C2CD3: variants seen among roughly 807,000 people sequenced by gnomAD.
C2CD3 encodes the protein C2 domain containing 3 centriole elongation regulator, also known as C2 domain-containing protein 3.
C2CD3 carries 148 observed loss-of-function variants against 234.0 expected under a neutral mutation model. That is an observed-to-expected ratio of 0.63 (90% CI 0.55 to 0.72). The LOEUF is 0.72. Among genes scored for constraint, C2CD3 ranks in the 30% least tolerant of loss-of-function variants. The pLI, the probability that C2CD3 is intolerant of heterozygous loss-of-function variation, is 0.00. For synonymous variants in C2CD3, 1,000 were observed against 1,035.4 expected (o/e 0.97, Z 0.66); for missense variants, 2,577 against 2,811.5 (o/e 0.92, Z 1.89).
intron 20 of C2CD3, among the ~76,000 whole-genome samples, chr11:74,088,728 C>T: frequency 6.6e-6 from 1 of 152,210 alleles, no homozygotes; most frequent in East Asian, 1.9e-4. Context: ...GGATCTGAGA[C>T]TGAGGAGGTA....
At chr11:74,027,118 T>C (rs1191001295) in intron 32 of C2CD3, among the ~76,000 whole-genome samples, 1 of 152,132 alleles carries the variant, frequency 6.6e-6, no homozygotes, top group East Asian at 1.9e-4. Flanking sequence ...AGTTTCCTCA[T>C]TTATTTTTTA....
At position 74,115,420 on chromosome 11, in the gene C2CD3, T is replaced by C. The variant is rs529338094; in HGVS notation, c.1521-827A>G. Among the ~76,000 whole-genome samples, 92 of 152,270 alleles carry C rather than the reference T, an allele frequency of 6.0e-4. 1 individual carries two copies. Among genetic ancestry groups the C allele is most frequent in the African/African-American group, 2.1e-3 (89 of 41,568 alleles). On this transcript the variant is annotated intron_variant, in intron 9 of 32. Coordinates refer to ENST00000334126, the MANE Select transcript of C2CD3 (RefSeq NM_001286577.2). ...TTTTGTGTATTCCTTCTCATTTGCT[T>C]TCCTTATGCATATTTTCTACACAGT...
At chr11:74,036,040 A>G (rs1327084588) in intron 30 of C2CD3, 2 of 170,004 alleles carry the variant, frequency 1.2e-5, no homozygotes, top group Admixed American at 1.2e-4. Context: ...TTGTGTTTTT[A>G]GTAGAGATGG....
chr11:74,090,408 T>C (rs1021706093), intron 20 of C2CD3, among the ~76,000 whole-genome samples: 1 of 152,092 alleles, frequency 6.6e-6, no homozygotes, highest in Non-Finnish European at 1.5e-5. Context: ...TAAGTGTTCA[T>C]AGGTTCACTG....
chr11:74,089,431 TGAAA>T (rs1161821635), intron 20 of C2CD3, among the ~76,000 whole-genome samples: 4 of 152,210 alleles, frequency 2.6e-5, no homozygotes, highest in African/African-American at 9.6e-5. Flanking sequence ...GGGCAGTAAC[TGAAA>T]GAGTCTACGT....
intron 29 of C2CD3, among the ~76,000 whole-genome samples, chr11:74,039,797 T>A (rs1294644095): frequency 1.3e-5 from 2 of 152,190 alleles, no homozygotes; most frequent in Non-Finnish European, 2.9e-5. Flanking sequence ...CTGACCAGAA[T>A]GTCAATAGTG....
intron 13 of C2CD3, among the ~76,000 whole-genome samples, chr11:74,105,019 T>G (rs1034411424): frequency 7.2e-5 from 11 of 152,222 alleles, no homozygotes; most frequent in South Asian, 6.2e-4. Context: ...TAAAGCAAAG[T>G]GGTATTTACT....
intron 23 of C2CD3, 32 bp downstream of exon 23, chr11:74,078,083 A>G (rs1955155416): frequency 1.3e-6 from 2 of 1,592,266 alleles, no homozygotes; most frequent in Middle Eastern, 1.8e-4. Flanking sequence ...AGGTGCTCAA[A>G]CTACAAGAGT....
chr11:74,132,183 G>A (rs978163625), intron 7 of C2CD3, among the ~76,000 whole-genome samples: 5 of 151,984 alleles, frequency 3.3e-5, no homozygotes, highest in East Asian at 1.9e-4. Flanking sequence ...AAACCCCGTC[G>A]CTACTAAAAA....
chr11:74,114,566 T>G lies in C2CD3; in HGVS notation c.1548A>C (p.Ser516=), dbSNP rs187501796. 3 of 1,614,002 alleles carry G rather than the reference T, an allele frequency of 1.9e-6. No individual in the cohort carries two copies. The highest frequency in any genetic ancestry group is 4.5e-5 in the East Asian group (2 of 44,870). Reference sequence around the variant, plus strand: ...TCGTTTGGGCATCTTCTGGAGTTTCTGAGAGCATCTGTTGTTCAACCAAAT... The same window carrying G: ...TCGTTTGGGCATCTTCTGGAGTTTCGGAGAGCATCTGTTGTTCAACCAAAT... ...NRNLVEQQML[S]ETPEDAQTMT... is the part of the protein sequence containing the mutation. The change falls in exon 10 of 33, where the codon TCA becomes TCC. Residue 516 remains serine (S), a synonymous_variant. Coordinates refer to ENST00000334126, the MANE Select transcript of C2CD3 (RefSeq NM_001286577.2).
chr11:74,116,819 CAT>C (rs150737547), intron 9 of C2CD3, among the ~76,000 whole-genome samples: 27,057 of 140,494 alleles, frequency 0.19, 2,798 homozygotes, highest in East Asian at 0.31. Context: ...TATACACACA[CAT>C]ATATACGTGT....
At chr11:74,124,579 C>G (rs1244489042) in intron 7 of C2CD3, among the ~76,000 whole-genome samples, 1 of 152,018 alleles carries the variant, frequency 6.6e-6, no homozygotes, top group African/African-American at 2.4e-5. Flanking sequence ...GGAAAAATCA[C>G]CCCCTCCTTG....
At chr11:74,113,679 CAAAAAAAAAAA>C in intron 11 of C2CD3, 90 bp downstream of exon 11, 1 of 479,884 alleles carries the variant, frequency 2.1e-6, no homozygotes. Context: ...GACTCCATGT[CAAAAAAAAAAA>C]AAAAAAAAAA....
Position 74,021,198 on chromosome 11 carries a change from C to G in C2CD3, c.6921+7089G>C, listed in dbSNP as rs199535296. Among the ~76,000 whole-genome samples the G allele has an allele frequency of 1.1e-4, 16 of 152,172 alleles. No individual in the cohort carries two copies. In the East Asian group the frequency reaches 3.1e-3, roughly 29 times the overall value. ...CCAGGAGTTTGCAGTGAGCCGAGATCATGCCACTGCACTCCAGTCTGGGCA... is the reference window on the plus strand; with the variant it reads ...CCAGGAGTTTGCAGTGAGCCGAGATGATGCCACTGCACTCCAGTCTGGGCA... On this transcript the variant is annotated intron_variant, in intron 32 of 32. Transcript: ENST00000334126.
At chr11:74,132,734 G>A (rs145175460) in intron 7 of C2CD3, 110 bp downstream of exon 7, 202 of 1,004,030 alleles carry the variant, frequency 2.0e-4, no homozygotes, top group African/African-American at 1.8e-3. Context: ...ATAGGGAAGG[G>A]CTTGGTTAGT....
chr11:74,019,882 A>G (rs1331892629), intron 32 of C2CD3, among the ~76,000 whole-genome samples: 1 of 152,184 alleles, frequency 6.6e-6, no homozygotes, highest in Non-Finnish European at 1.5e-5. Context: ...TCAGAAAGTC[A>G]TAAGCAGAGA....
rs1790399 is a variant in C2CD3 at position 74,090,617 on chromosome 11, G to C, written c.3641+196C>G. On this transcript the variant is annotated intron_variant, in intron 20 of 32. Coordinates refer to ENST00000334126, the MANE Select transcript of C2CD3 (RefSeq NM_001286577.2). ...AAAATTGTTGGGCAAGGTCAAGGAG[G>C]TAAGTTGCTAACAGTTAAAATAGCA... 0.56 allele frequency among the ~76,000 whole-genome samples: 85,588 copies of C among 152,054 alleles called. 24,779 individuals carry two copies. The highest frequency in any genetic ancestry group is 0.72 in the African/African-American group (29,913 of 41,478).
chr11:74,126,517 C>A (rs958158772), intron 7 of C2CD3, among the ~76,000 whole-genome samples: 1 of 152,052 alleles, frequency 6.6e-6, no homozygotes, highest in Admixed American at 6.6e-5. Flanking sequence ...CCGAGGCCGG[C>A]GGAAGACTTG....
intron 30 of C2CD3, among the ~76,000 whole-genome samples, chr11:74,037,133 T>C (rs940158163): frequency 1.3e-5 from 2 of 152,192 alleles, no homozygotes; most frequent in Non-Finnish European, 2.9e-5. Context: ...AGAATTGCTA[T>C]TGAGGAACCA....
Sources: gnomAD v4.1 joint callset for allele counts (sites outside exome capture counted in the v4.1 genomes callset) on GRCh38, gnomAD v4.1.1 for gene constraint, MANE v1.5 for transcripts, NCBI Gene and HGNC (gene_info 2026-07-23, HGNC 2026-07-21) for gene names.